Variants in ADAMTS18 observed in about 807,000 individuals in gnomAD.
ADAMTS18 encodes the protein ADAM metallopeptidase with thrombospondin type 1 motif 18, also known as A disintegrin and metalloproteinase with thrombospondin motifs 18.
In ADAMTS18, 157 loss-of-function variants were observed where a neutral mutation model predicts 165.9. That is an observed-to-expected ratio of 0.95 (90% CI 0.83 to 1.08). The LOEUF (loss-of-function observed/expected upper bound fraction) is 1.08, where lower values mean the gene tolerates loss of function less well. Among genes scored for constraint, ADAMTS18 ranks in the 50% least tolerant of loss-of-function variants. The probability of loss-of-function intolerance (pLI) is 0.00; values close to 1 mark genes in which losing one functional copy is unlikely to be tolerated. For missense variants in ADAMTS18, 2,040 were observed against 1,534.0 expected, an observed-to-expected ratio of 1.33 and a Z score of -5.51; for synonymous variants, 782 against 578.2, an observed-to-expected ratio of 1.35 and a Z score of -5.06.
intron 2 of ADAMTS18, 97 bp from the exon 3 acceptor site, chr16:77,431,708 A>T: frequency 1.6e-6 from 2 of 1,281,378 alleles, no homozygotes; most frequent in African/African-American, 1.5e-5. Flanking sequence ...AAGCTCAAAG[A>T]TATCTTTGTT....
At chr16:77,410,043 G>A (rs1013021843) in intron 3 of ADAMTS18, among the ~76,000 whole-genome samples, 1 of 151,856 alleles carries the variant, frequency 6.6e-6, no homozygotes, top group Non-Finnish European at 1.5e-5. Context: ...CTCTATAATA[G>A]TGTCTCAAAC....
In ADAMTS18 at chr16:77,283,865, G is replaced by A. The variant is rs143121569; in HGVS notation, c.*91C>T. 1.9e-5 allele frequency: 19 copies of A among 990,698 alleles called. No individual in the cohort carries two copies. Among genetic ancestry groups the A allele is most frequent in the Non-Finnish European group, 2.6e-5 (16 of 621,344 alleles). 61.4% of individuals were successfully genotyped at this position (990,698 alleles called of 1,614,324 possible). ...CAGCGGCAGCTCACAGATGGTTCTC[G>A]GTGCTCAGCTCCTGGTCTCAAAGGC... On this transcript the variant is annotated 3_prime_UTR_variant, in exon 23 of 23. Transcript: ENST00000282849.
chr16:77,367,785 T>G, intron 3 of ADAMTS18, 62 bp from the exon 4 acceptor site: 1 of 1,604,980 alleles, frequency 6.2e-7, no homozygotes, highest in African/African-American at 1.3e-5. Context: ...CAAGGGTTGG[T>G]TTTCAACAAC....
intron 3 of ADAMTS18, among the ~76,000 whole-genome samples, chr16:77,368,836 A>G (rs1286217966): frequency 6.6e-6 from 1 of 152,222 alleles, no homozygotes; most frequent in African/African-American, 2.4e-5. Context: ...GCTATAATGA[A>G]GAGACATATT....
At chr16:77,327,679 T>C (rs1383949081) in intron 12 of ADAMTS18, among the ~76,000 whole-genome samples, 1 of 152,228 alleles carries the variant, frequency 6.6e-6, no homozygotes, top group Non-Finnish European at 1.5e-5. Flanking sequence ...TAAGGAAATC[T>C]GTAAACACAC....
At chr16:77,319,670 T>C (rs540465469) in intron 16 of ADAMTS18, among the ~76,000 whole-genome samples, 179 bp downstream of exon 16, 1 of 152,270 alleles carries the variant, frequency 6.6e-6, no homozygotes, top group African/African-American at 2.4e-5. Context: ...CTCCAACTCC[T>C]GCCCTCAGCT....
At chr16:77,370,759 C>A (rs4888623) in intron 3 of ADAMTS18, among the ~76,000 whole-genome samples, 6 of 151,584 alleles carry the variant, frequency 4.0e-5, no homozygotes, top group Non-Finnish European at 7.4e-5. Flanking sequence ...TCAAAAAAAA[C>A]CAAGAAAACA....
intron 6 of ADAMTS18, among the ~76,000 whole-genome samples, chr16:77,363,274 T>C (rs1254422415): frequency 6.6e-6 from 1 of 152,144 alleles, no homozygotes; most frequent in Admixed American, 6.6e-5. Context: ...CCAAGGACAG[T>C]TAAATATCCC....
chr16:77,298,912 A>C (rs2055527246), intron 17 of ADAMTS18, among the ~76,000 whole-genome samples: 1 of 152,274 alleles, frequency 6.6e-6, no homozygotes, highest in South Asian at 2.1e-4. Flanking sequence ...TCTGTGAGTC[A>C]TGCGAAGGGG....
intron 3 of ADAMTS18, among the ~76,000 whole-genome samples, chr16:77,387,889 A>G (rs2057131292): frequency 6.6e-6 from 1 of 152,184 alleles, no homozygotes. Flanking sequence ...AGACTCATCC[A>G]TGAAGCTGGA....
At position 77,324,353 on chromosome 16, in the gene ADAMTS18, A is replaced by T. The variant is rs78694211; in HGVS notation, c.2032+1513T>A. ...TACGAAATCACTCAGCTCCTGGTAG[A>T]ATGCCTCTAGTGATGGGGACCTTGT... On this transcript the variant is annotated intron_variant, in intron 13 of 22. Transcript: ENST00000282849. Among the ~76,000 whole-genome samples the T allele has an allele frequency of 4.5e-4, 69 of 152,340 alleles. No homozygotes were observed. The East Asian group carries it at 0.011, about 24-fold the overall frequency.
At chr16:77,335,485 A>C (rs2144674365) in intron 12 of ADAMTS18, among the ~76,000 whole-genome samples, 1 of 152,116 alleles carries the variant, frequency 6.6e-6, no homozygotes, top group Admixed American at 6.5e-5. Flanking sequence ...AAACAGTGGA[A>C]TGGGCCTAAT....
chr16:77,333,655 C>T (rs891776344), intron 12 of ADAMTS18, among the ~76,000 whole-genome samples: 1 of 151,428 alleles, frequency 6.6e-6, no homozygotes, highest in Non-Finnish European at 1.5e-5. Flanking sequence ...ATGTTCAATT[C>T]AGCATTATTC....
intron 16 of ADAMTS18, among the ~76,000 whole-genome samples, chr16:77,308,043 C>T (rs923312709): frequency 2.0e-5 from 3 of 152,090 alleles, no homozygotes; most frequent in African/African-American, 7.2e-5. Context: ...TGTGGTTAAC[C>T]TATTTCTCAC....
intron 4 of ADAMTS18, among the ~76,000 whole-genome samples, 189 bp from the exon 5 acceptor site, chr16:77,364,570 CAAT>C (rs1189146095): frequency 2.8e-5 from 4 of 144,020 alleles, no homozygotes; most frequent in Admixed American, 2.2e-4. Flanking sequence ...AGGGCCTACT[CAAT>C]AAATGTTTGG....
intron 16 of ADAMTS18, among the ~76,000 whole-genome samples, chr16:77,311,700 G>GTTT: frequency 1.1e-5 from 1 of 94,286 alleles, no homozygotes; most frequent in African/African-American, 3.7e-5. Flanking sequence ...GATTACTGGA[G>GTTT]TTTTCTTTTT....
intron 16 of ADAMTS18, among the ~76,000 whole-genome samples, chr16:77,303,186 G>GC (rs1250263249): frequency 6.6e-6 from 1 of 152,098 alleles, no homozygotes; most frequent in Non-Finnish European, 1.5e-5. Flanking sequence ...CACCGTAGTT[G>GC]CCCCACGTAT....
intron 3 of ADAMTS18, among the ~76,000 whole-genome samples, chr16:77,430,051 GTGGGTT>G (rs1159125616): frequency 3.3e-5 from 5 of 152,134 alleles, no homozygotes; most frequent in Non-Finnish European, 7.3e-5. Flanking sequence ...AGCCACTACG[GTGGGTT>G]GTGTAAACTC....
chr16:77,364,056 A>G lies in ADAMTS18; in HGVS notation c.972+132T>C, dbSNP rs1036957016. 3.8e-6 allele frequency: 5 copies of G among 1,322,188 alleles called. No individual in the cohort carries two copies. The African/African-American group carries it at 5.8e-5, about 15-fold the overall frequency. The allele number at this position is 1,322,188 out of a possible 1,614,324, so 81.9% of individuals were successfully genotyped here. A position where few individuals can be genotyped will look rare whatever the true frequency, so the allele number is the denominator to read the frequency against. ...AAAAAATAAAACCACATATGTAGCT[A>G]TTAAAAGTAATGGCAGAAACTGCAA... On this transcript the variant is annotated intron_variant, in intron 5 of 22. Coordinates refer to ENST00000282849, the MANE Select transcript of ADAMTS18 (RefSeq NM_199355.4).
Sources: gnomAD v4.1 joint callset for allele counts (sites outside exome capture counted in the v4.1 genomes callset) on GRCh38, gnomAD v4.1.1 for gene constraint, MANE v1.5 for transcripts, NCBI Gene and HGNC (gene_info 2026-07-23, HGNC 2026-07-21) for gene names.